SEMA3D: variants seen among roughly 807,000 people sequenced by gnomAD.
SEMA3D encodes semaphorin 3D.
SEMA3D carries 84 observed loss-of-function variants against 100.1 expected under a neutral mutation model. The observed-to-expected ratio is 0.84, with a 90% CI of 0.70 to 1.01. The LOEUF (loss-of-function observed/expected upper bound fraction) is 1.01, where lower values mean the gene tolerates loss of function less well. SEMA3D is among the 50% of genes least tolerant of loss of function. The pLI is 0.00. For synonymous variants in SEMA3D, 312 were observed against 320.7 expected (o/e 0.97, Z 0.29); for missense variants, 875 against 934.1 (o/e 0.94, Z 0.82).
chr7:85,012,863 A>G lies in SEMA3D; in HGVS notation c.1704-17T>C, dbSNP rs1455878667. ...CTAGCTCTCCTGCGGAAAGGGGATT[A>G]AACTTATTAGAACTTCAAGCATGAT... On this transcript the variant is annotated splice_polypyrimidine_tract_variant and intron_variant, in intron 16 of 18. Transcript: ENST00000284136. The G allele has an allele frequency of 1.2e-6, 2 of 1,603,882 alleles. No individual in the cohort carries two copies. Among genetic ancestry groups the G allele is most frequent in the Non-Finnish European group, 1.7e-6 (2 of 1,171,768 alleles).
chr7:85,128,982 C>T (rs1583951244), intron 2 of SEMA3D, among the ~76,000 whole-genome samples: 1 of 149,742 alleles, frequency 6.7e-6, no homozygotes, highest in Admixed American at 6.7e-5. Flanking sequence ...GCCTGGACTT[C>T]CTGGGCTCAA....
At chr7:85,049,753 C>T (rs1791108333) in intron 9 of SEMA3D, among the ~76,000 whole-genome samples, 1 of 151,674 alleles carries the variant, frequency 6.6e-6, no homozygotes, top group African/African-American at 2.4e-5. Context: ...CAAATAGGAC[C>T]ATATATCAAA....
chr7:85,142,549 T>C (rs765722814), intron 2 of SEMA3D: 257 of 983,854 alleles, frequency 2.6e-4, no homozygotes, highest in Non-Finnish European at 2.9e-4. Flanking sequence ...CCAATTTGCA[T>C]TGGATATGGA....
chr7:85,079,939 AAC>A (rs766683316), intron 5 of SEMA3D, among the ~76,000 whole-genome samples: 14 of 152,296 alleles, frequency 9.2e-5, no homozygotes, highest in Admixed American at 1.3e-4. Flanking sequence ...TGGACTATTG[AAC>A]TGGATGAAGA....
intron 5 of SEMA3D, among the ~76,000 whole-genome samples, chr7:85,078,232 C>T (rs757526819): frequency 2.7e-5 from 4 of 150,642 alleles, no homozygotes; most frequent in Non-Finnish European, 5.9e-5. Flanking sequence ...AATTTGCAAA[C>T]TTTCTACAAT....
intron 5 of SEMA3D, among the ~76,000 whole-genome samples, chr7:85,077,024 T>C (rs570456556): frequency 2.0e-3 from 305 of 151,310 alleles, no homozygotes; most frequent in Non-Finnish European, 3.3e-3. Flanking sequence ...GAGAATCGCT[T>C]GAACCCGGGC....
intron 1 of SEMA3D, among the ~76,000 whole-genome samples, chr7:85,171,470 A>G (rs1791080117): frequency 1.3e-5 from 2 of 151,930 alleles, no homozygotes; most frequent in South Asian, 4.1e-4. Flanking sequence ...AACCCACATG[A>G]TAGTCCTAGG....
At chr7:85,183,522 C>A (rs1791457454) in intron 1 of SEMA3D, among the ~76,000 whole-genome samples, 1 of 152,138 alleles carries the variant, frequency 6.6e-6, no homozygotes, top group Non-Finnish European at 1.5e-5. Context: ...ACCTTCCCTG[C>A]CACCAAAAAT....
chr7:85,140,225 T>C, intron 2 of SEMA3D: 2 of 680,950 alleles, frequency 2.9e-6, no homozygotes, highest in Non-Finnish European at 1.8e-6. Flanking sequence ...TTTATTTTAC[T>C]CAATATAAAA....
intron 1 of SEMA3D, among the ~76,000 whole-genome samples, chr7:85,176,080 G>A (rs958021984): frequency 3.3e-5 from 5 of 151,898 alleles, no homozygotes; most frequent in African/African-American, 1.2e-4. Flanking sequence ...AAAAAAAGAG[G>A]TAGACAACAT....
intron 1 of SEMA3D, among the ~76,000 whole-genome samples, chr7:85,173,870 T>C (rs1310868290): frequency 2.0e-5 from 3 of 152,130 alleles, no homozygotes. Context: ...CAACCCATAG[T>C]CTTAGCCACT....
At chr7:85,004,655 C>T (rs955191666) in intron 18 of SEMA3D, among the ~76,000 whole-genome samples, 2 of 152,026 alleles carry the variant, frequency 1.3e-5, no homozygotes, top group African/African-American at 4.8e-5. Flanking sequence ...TGGTCCCTCC[C>T]GCAGGCTGTT....
chr7:85,154,880 G>GA (rs1451562042), intron 1 of SEMA3D, among the ~76,000 whole-genome samples: 4 of 152,172 alleles, frequency 2.6e-5, no homozygotes, highest in Admixed American at 2.6e-4. Context: ...AGTCTGAAAA[G>GA]AATTTAGCTA....
chr7:85,203,102 T>C, the SEMA3D span, among the ~76,000 whole-genome samples: 1 of 152,172 alleles, frequency 6.6e-6, no homozygotes, highest in African/African-American at 2.4e-5. Context: ...GTTCTCCTCA[T>C]ATTGTCTCTC....
chr7:85,060,039 C>G (rs540410523), intron 8 of SEMA3D, among the ~76,000 whole-genome samples: 2 of 152,048 alleles, frequency 1.3e-5, no homozygotes, highest in Non-Finnish European at 2.9e-5. Context: ...GGATATTTTT[C>G]CAAGTGATAT....
At position 85,104,728 on chromosome 7, in the gene SEMA3D, C is replaced by A. The variant is rs562614968; in HGVS notation, c.152-6763G>T. On this transcript the variant is annotated intron_variant, in intron 3 of 18. Coordinates refer to ENST00000284136, the MANE Select transcript of SEMA3D (RefSeq NM_001384900.1). Reference sequence around the variant, plus strand: ...AAATCTTGCATTTATTGCCAGAGATCCCGAACTGGGTGGAGTTGTCAGTTT... The same window carrying A: ...AAATCTTGCATTTATTGCCAGAGATACCGAACTGGGTGGAGTTGTCAGTTT... Among the ~76,000 whole-genome samples the A allele has an allele frequency of 6.6e-5, 10 of 151,548 alleles. No individual in the cohort carries two copies. In the East Asian group the frequency reaches 1.8e-3, roughly 27 times the overall value.
the SEMA3D span, among the ~76,000 whole-genome samples, chr7:85,214,196 C>G: frequency 2.0e-5 from 3 of 152,126 alleles, no homozygotes; most frequent in Non-Finnish European, 4.4e-5. Flanking sequence ...CTTCCCTTCT[C>G]TAACAACTGG....
intron 2 of SEMA3D, chr7:85,141,294 G>A: frequency 4.1e-6 from 4 of 984,128 alleles, no homozygotes; most frequent in Non-Finnish European, 4.8e-6. Context: ...AACCTCTTCA[G>A]GAATTTTAAC....
chr7:85,119,023 T>C (rs897623095), intron 3 of SEMA3D, among the ~76,000 whole-genome samples: 5 of 151,804 alleles, frequency 3.3e-5, no homozygotes, highest in Admixed American at 3.3e-4. Flanking sequence ...CTCAACATCA[T>C]TGATCATTAC....
Sources: gnomAD v4.1 joint callset for allele counts (sites outside exome capture counted in the v4.1 genomes callset) on GRCh38, gnomAD v4.1.1 for gene constraint, MANE v1.5 for transcripts, NCBI Gene and HGNC (gene_info 2026-07-23, HGNC 2026-07-21) for gene names.